The following ZNF331 variants were observed in gnomAD, a reference collection of about 807,000 sequenced individuals.
The protein encoded by ZNF331 is C2H2-like zinc finger protein rearranged in thyroid adenomas.
In ZNF331, 2 loss-of-function variants were observed where a neutral mutation model predicts 7.0. The observed-to-expected ratio is 0.29, with a 90% CI of 0.12 to 0.90. The LOEUF is 0.90. ZNF331 is among the 40% of genes least tolerant of loss of function. The pLI is 0.58. For missense variants in ZNF331, 432 were observed against 587.7 expected, an observed-to-expected ratio of 0.74 and a Z score of 2.74; for synonymous variants, 196 against 205.4, an observed-to-expected ratio of 0.95 and a Z score of 0.39.
the ZNF331 span, among the ~76,000 whole-genome samples, chr19:53,505,885 T>TG: frequency 1.3e-5 from 2 of 151,366 alleles, no homozygotes; most frequent in Non-Finnish European, 2.9e-5. Flanking sequence ...CTCGGGTGGC[T>TG]GGGGCAGGAG....
chr19:53,556,871 T>C (rs1313518317), intron 3 of ZNF331, among the ~76,000 whole-genome samples: 1 of 151,768 alleles, frequency 6.6e-6, no homozygotes, highest in Non-Finnish European at 1.5e-5. Context: ...AGTGGCACAA[T>C]CTTGGCTCAC....
At chr19:53,529,854 A>G (rs1345131709) in intron 2 of ZNF331, among the ~76,000 whole-genome samples, 1 of 152,160 alleles carries the variant, frequency 6.6e-6, no homozygotes, top group South Asian at 2.1e-4. Flanking sequence ...GCAGCCTGTG[A>G]TCACGGACTG....
intron 3 of ZNF331, among the ~76,000 whole-genome samples, chr19:53,568,448 T>C (rs2090269256): frequency 6.6e-6 from 1 of 152,144 alleles, no homozygotes; most frequent in South Asian, 2.1e-4. Flanking sequence ...GTAGACATGA[T>C]TGACTGGTTG....
intron 2 of ZNF331, among the ~76,000 whole-genome samples, chr19:53,542,871 G>A (rs541120012): frequency 7.7e-4 from 118 of 152,298 alleles, no homozygotes; most frequent in Admixed American, 2.5e-3. Context: ...GTGCAATGGC[G>A]CAATCGCGGC....
chr19:53,531,614 C>T (rs544022093), intron 2 of ZNF331, among the ~76,000 whole-genome samples: 8 of 152,192 alleles, frequency 5.3e-5, no homozygotes, highest in Non-Finnish European at 1.2e-4. Context: ...CGTTTGAGTA[C>T]GTGACAAGGT....
At chr19:53,555,368 C>T (rs1031788093) in intron 2 of ZNF331, 7 of 145,264 alleles carry the variant, frequency 4.8e-5, no homozygotes, top group Non-Finnish European at 7.4e-5. Flanking sequence ...CAACCTGTAG[C>T]TCCAGCTTCT....
At chr19:53,506,658 C>T in the ZNF331 span, among the ~76,000 whole-genome samples, 10 of 152,030 alleles carry the variant, frequency 6.6e-5, no homozygotes, top group Admixed American at 4.6e-4. Flanking sequence ...AAACAAGAAA[C>T]AAACTCAACA....
upstream of ZNF331, among the ~76,000 whole-genome samples, chr19:53,516,411 T>A (rs1247459803): frequency 6.7e-6 from 1 of 148,980 alleles, no homozygotes; most frequent in East Asian, 2.0e-4. Context: ...GATGGGCCAC[T>A]GCACTCTGGC....
At chr19:53,530,758 T>C (rs1052428992) in intron 2 of ZNF331, among the ~76,000 whole-genome samples, 1 of 152,244 alleles carries the variant, frequency 6.6e-6, no homozygotes, top group Non-Finnish European at 1.5e-5. Context: ...TGTGTGCATG[T>C]ACATTGGCAT....
chr19:53,515,443 G>A (rs2086880555), upstream of ZNF331, among the ~76,000 whole-genome samples: 1 of 18,890 alleles, frequency 5.3e-5, no homozygotes, highest in Admixed American at 3.6e-4. Context: ...ATTTTAACAT[G>A]GGCATTTCTG....
chr19:53,557,995 G>A (rs748302084), intron 3 of ZNF331, among the ~76,000 whole-genome samples: 3 of 152,124 alleles, frequency 2.0e-5, no homozygotes, highest in Non-Finnish European at 4.4e-5. Flanking sequence ...GACTAAATGT[G>A]TGGGGAGAAG....
chr19:53,537,734 C>T (rs949082010), upstream of ZNF331: 1 of 152,282 alleles, frequency 6.6e-6, no homozygotes, highest in Non-Finnish European at 1.5e-5. Flanking sequence ...CTCCCGAGGC[C>T]CCAGCGTTGG....
chr19:53,543,351 C>A (rs1428121601), intron 2 of ZNF331, among the ~76,000 whole-genome samples: 1 of 152,166 alleles, frequency 6.6e-6, no homozygotes, highest in Non-Finnish European at 1.5e-5. Context: ...TGAACCTCCA[C>A]CTTCCAGTTC....
chr19:53,539,525 C>A lies in ZNF331; in HGVS notation c.-138+243C>A, dbSNP rs1255268036. Reference sequence around the variant, plus strand: ...GTGCTAAGTCTGGATGTCTGTACATCAGGAGCAACGTACATATGAAGGTAA... The same window carrying A: ...GTGCTAAGTCTGGATGTCTGTACATAAGGAGCAACGTACATATGAAGGTAA... On this transcript the variant is annotated intron_variant, in intron 2 of 5. Transcript: ENST00000449416. The surrounding 1 kb of genome is among the most constrained non-coding windows in gnomAD (Gnocchi z 6.1). 6.6e-6 allele frequency: 1 copy of A among 152,150 alleles called. No individual in the cohort carries two copies. The highest frequency in any genetic ancestry group is 1.5e-5 in the Non-Finnish European group (1 of 68,048). 9.4% of individuals were successfully genotyped at this position (152,150 alleles called of 1,614,324 possible).
upstream of ZNF331, among the ~76,000 whole-genome samples, chr19:53,515,789 G>C (rs115409753): frequency 0.073 from 11,159 of 152,276 alleles, 533 homozygotes; most frequent in Non-Finnish European, 0.11. Context: ...GAGCCACTGT[G>C]CCTGGCTGCC....
intron 3 of ZNF331, among the ~76,000 whole-genome samples, chr19:53,563,485 T>TTGC (rs2089999539): frequency 6.6e-6 from 1 of 152,198 alleles, no homozygotes; most frequent in Admixed American, 6.5e-5. Context: ...ATTGCTAGTT[T>TTGC]TGCTAATGAA....
At chr19:53,570,568 T>C (rs1319235504) in intron 4 of ZNF331, among the ~76,000 whole-genome samples, 1 of 152,122 alleles carries the variant, frequency 6.6e-6, no homozygotes, top group Non-Finnish European at 1.5e-5. Flanking sequence ...GTTTCACTCT[T>C]GTTGCCCAGG....
rs1214271066 is a variant in ZNF331, at chr19:53,558,397, C to T, written c.-74+2489C>T. 1.3e-5 allele frequency among the ~76,000 whole-genome samples: 2 copies of T among 152,086 alleles called. No individual in the cohort carries two copies. The highest frequency in any genetic ancestry group is 1.3e-4 in the Admixed American group (2 of 15,274). ...TTCTTTTGTACCTTCCTAGCAGCCA[C>T]CTCCTGTTCAGCTGTCCAGAAGCTC... On this transcript the variant is annotated intron_variant, in intron 3 of 5. Transcript: ENST00000449416. The surrounding 1 kb of genome is among the most constrained non-coding windows in gnomAD (Gnocchi z 4.5).
chr19:53,510,403 G>A, the ZNF331 span, among the ~76,000 whole-genome samples: 3 of 150,850 alleles, frequency 2.0e-5, no homozygotes, highest in Admixed American at 1.3e-4. Flanking sequence ...AGCACAACCT[G>A]CCAGAATTAA....
Sources: gnomAD v4.1 joint callset for allele counts (sites outside exome capture counted in the v4.1 genomes callset) on GRCh38, gnomAD v4.1.1 for gene constraint, Gnocchi (gnomAD v3.1) non-coding constraint, MANE v1.5 for transcripts, NCBI Gene and HGNC (gene_info 2026-07-23, HGNC 2026-07-21) for gene names.